SLC36A1: variants seen among roughly 807,000 people sequenced by gnomAD.
SLC36A1 encodes the protein proton-coupled amino acid transporter 1.
Under a neutral mutation model 47.5 loss-of-function variants are expected in SLC36A1, and 30 were observed. The ratio of observed to expected loss-of-function variants is 0.63; its 90% CI spans 0.47 to 0.86. The LOEUF (loss-of-function observed/expected upper bound fraction) is 0.86. SLC36A1 is among the 40% of genes least tolerant of loss of function. The pLI is 0.00. For missense variants in SLC36A1, 517 were observed against 606.0 expected, an observed-to-expected ratio of 0.85 and a Z score of 1.54; for synonymous variants, 255 against 249.7, an observed-to-expected ratio of 1.02 and a Z score of -0.20.
chr5:151,555,756 G>A, the SLC36A1 span, among the ~76,000 whole-genome samples: 2 of 152,196 alleles, frequency 1.3e-5, no homozygotes, highest in Non-Finnish European at 2.9e-5. Context: ...TGAGGAATAT[G>A]TATTCCCCCC....
intron 2 of SLC36A1, among the ~76,000 whole-genome samples, chr5:151,463,204 G>C (rs1377227042): frequency 6.6e-6 from 1 of 152,230 alleles, no homozygotes; most frequent in East Asian, 1.9e-4. Context: ...GGTCAGTTCA[G>C]TGGTTAGAAC....
At chr5:151,441,549 A>G (rs1190185046) in intron 1 of SLC36A1, among the ~76,000 whole-genome samples, 2 of 152,194 alleles carry the variant, frequency 1.3e-5, no homozygotes, top group East Asian at 3.8e-4. Flanking sequence ...TTTTAAATTT[A>G]AACACCATAA....
chr5:151,426,501 T>G, the SLC36A1 span, among the ~76,000 whole-genome samples: 2 of 152,116 alleles, frequency 1.3e-5, no homozygotes, highest in Non-Finnish European at 2.9e-5. Flanking sequence ...TGTTTGACTT[T>G]ACACAAACAT....
At chr5:151,472,404 A>C (rs1757438121) in intron 7 of SLC36A1, among the ~76,000 whole-genome samples, 1 of 152,230 alleles carries the variant, frequency 6.6e-6, no homozygotes, top group Non-Finnish European at 1.5e-5. Context: ...TTCCCAGTCC[A>C]CTGACTCAAA....
the SLC36A1 span, among the ~76,000 whole-genome samples, chr5:151,394,718 A>G: frequency 6.6e-6 from 1 of 152,214 alleles, no homozygotes; most frequent in Non-Finnish European, 1.5e-5. Flanking sequence ...AGAACAGCAG[A>G]TATTGCTGAA....
Position 151,476,761 on chromosome 5 carries a change from G to A in SLC36A1, c.989+5G>A, listed in dbSNP as rs2278375. The A allele has an allele frequency of 3.6e-5, 58 of 1,610,644 alleles. 1 individual carries two copies. In the East Asian group the frequency reaches 1.2e-3, roughly 34 times the overall value. On this transcript the variant is annotated splice_donor_5th_base_variant and intron_variant, in intron 9 of 10. Coordinates refer to ENST00000243389, the MANE Select transcript of SLC36A1 (RefSeq NM_078483.4). ...CCTCAACCTGCCCAACTGCTGGTAC[G>A]TGGAGGGAGGATGGAAACCTAGGAG...
intron 1 of SLC36A1, among the ~76,000 whole-genome samples, chr5:151,455,055 A>G (rs1364805662): frequency 1.3e-5 from 2 of 152,066 alleles, no homozygotes; most frequent in Non-Finnish European, 2.9e-5. Flanking sequence ...CCTTTATAGC[A>G]TGCTGCCTGG....
At chr5:151,458,975 G>A (rs754913590) in intron 2 of SLC36A1, 40 bp downstream of exon 2, 35 of 1,572,804 alleles carry the variant, frequency 2.2e-5, no homozygotes, top group Admixed American at 3.5e-5. Flanking sequence ...GGTGGGATTC[G>A]TGTTCCTAAG....
the SLC36A1 span, among the ~76,000 whole-genome samples, chr5:151,408,999 C>CTT: frequency 1.4e-5 from 2 of 140,630 alleles, no homozygotes; most frequent in Non-Finnish European, 3.1e-5. Context: ...TTTCTTTCCT[C>CTT]TTTTTTTTTT....
At chr5:151,536,459 G>A in the SLC36A1 span, among the ~76,000 whole-genome samples, 2 of 152,134 alleles carry the variant, frequency 1.3e-5, no homozygotes, top group African/African-American at 4.8e-5. Context: ...CCAAATGTCA[G>A]CAGCTGGCCC....
chr5:151,353,266 T>C, the SLC36A1 span, among the ~76,000 whole-genome samples: 1 of 152,196 alleles, frequency 6.6e-6, no homozygotes, highest in African/African-American at 2.4e-5. Context: ...CTACAAATTG[T>C]GAAACTGAGG....
At chr5:151,462,584 C>G (rs1227579857) in intron 2 of SLC36A1, among the ~76,000 whole-genome samples, 3 of 151,792 alleles carry the variant, frequency 2.0e-5, no homozygotes, top group Non-Finnish European at 4.4e-5. Context: ...AGGATAGTCT[C>G]AATCTCTTGA....
the SLC36A1 span, among the ~76,000 whole-genome samples, chr5:151,344,863 G>A: frequency 6.6e-6 from 1 of 152,146 alleles, no homozygotes; most frequent in South Asian, 2.1e-4. Flanking sequence ...GAAAGGGCAG[G>A]CAGAAACAAA....
At chr5:151,448,553 A>G (rs781478994) in intron 1 of SLC36A1, among the ~76,000 whole-genome samples, 8 of 152,236 alleles carry the variant, frequency 5.3e-5, no homozygotes, top group Non-Finnish European at 7.3e-5. Context: ...AAAATATGAA[A>G]TATGAATCGG....
At chr5:151,543,283 C>G in the SLC36A1 span, 2 of 1,614,172 alleles carry the variant, frequency 1.2e-6, no homozygotes, top group Non-Finnish European at 1.7e-6. Flanking sequence ...TGCGTTCTGA[C>G]CTTCATCTGC....
chr5:151,377,626 C>T, the SLC36A1 span, among the ~76,000 whole-genome samples: 1 of 151,968 alleles, frequency 6.6e-6, no homozygotes, highest in Non-Finnish European at 1.5e-5. Flanking sequence ...GGATTACAGG[C>T]GTGAGCCACC....
At chr5:151,527,865 T>G in the SLC36A1 span, 2 of 1,245,536 alleles carry the variant, frequency 1.6e-6, no homozygotes, top group Non-Finnish European at 2.2e-6. Flanking sequence ...AGAAAACAAG[T>G]GAGAGACATT....
At chr5:151,465,035 C>T (rs1406838435) in intron 4 of SLC36A1, 39 bp from the exon 5 acceptor site, 4 of 1,489,998 alleles carry the variant, frequency 2.7e-6, no homozygotes, top group Non-Finnish European at 3.8e-6. Context: ...TTGTCTAATC[C>T]ACGTGCTCTG....
the SLC36A1 span, chr5:151,511,952 G>A: frequency 1.2e-5 from 7 of 580,120 alleles, no homozygotes; most frequent in Middle Eastern, 4.6e-4. Flanking sequence ...CATCCCCCCA[G>A]AAGTAGAAAG....
Sources: gnomAD v4.1 joint callset for allele counts (sites outside exome capture counted in the v4.1 genomes callset) on GRCh38, gnomAD v4.1.1 for gene constraint, MANE v1.5 for transcripts, NCBI Gene and HGNC (gene_info 2026-07-23, HGNC 2026-07-21) for gene names.